The following TAFA4 variants were observed in gnomAD, a reference collection of about 807,000 sequenced individuals.
The protein encoded by TAFA4 is TAFA chemokine like family member 4.
TAFA4 carries 20 observed loss-of-function variants against 21.1 expected under a neutral mutation model. That is an observed-to-expected ratio of 0.95 (90% CI 0.67 to 1.38). TAFA4 has a LOEUF of 1.38. TAFA4 is among the 40% of genes most tolerant of loss of function. The pLI is 0.00. For missense variants in TAFA4, 211 were observed against 180.9 expected (o/e 1.17, Z -0.95); for synonymous variants, 71 against 67.4 (o/e 1.05, Z -0.26).
At chr3:68,865,347 C>G (rs981837626) in intron 3 of TAFA4, among the ~76,000 whole-genome samples, 3 of 151,934 alleles carry the variant, frequency 2.0e-5, no homozygotes, top group African/African-American at 7.3e-5. Flanking sequence ...AAATCTCATC[C>G]TGAATTGTAG....
intron 3 of TAFA4, among the ~76,000 whole-genome samples, chr3:68,845,588 T>C (rs1704769249): frequency 6.6e-6 from 1 of 152,210 alleles, no homozygotes; most frequent in Non-Finnish European, 1.5e-5. Context: ...TTTTGCCCAT[T>C]AGTTGATGCA....
intron 3 of TAFA4, among the ~76,000 whole-genome samples, chr3:68,861,669 A>AC (rs1029503205): frequency 4.0e-5 from 6 of 151,526 alleles, no homozygotes; most frequent in African/African-American, 1.5e-4. Flanking sequence ...GAGTGAGCCA[A>AC]CCCCCCCAGC....
chr3:68,905,122 C>T (rs1196786477), intron 1 of TAFA4, among the ~76,000 whole-genome samples: 1 of 150,712 alleles, frequency 6.6e-6, no homozygotes, highest in Non-Finnish European at 1.5e-5. Context: ...TGGGACAGCA[C>T]AATGACCAAG....
At chr3:68,883,874 A>T (rs1423171577) in intron 2 of TAFA4, among the ~76,000 whole-genome samples, 1 of 152,068 alleles carries the variant, frequency 6.6e-6, no homozygotes, top group African/African-American at 2.4e-5. Flanking sequence ...TCAAGGCAGG[A>T]GCGAGCTATG....
intron 1 of TAFA4, among the ~76,000 whole-genome samples, chr3:68,930,734 T>C (rs1203141332): frequency 6.6e-6 from 1 of 152,216 alleles, no homozygotes; most frequent in Non-Finnish European, 1.5e-5. Flanking sequence ...TTAAGGCCTG[T>C]ATTTCCCATC....
At position 68,789,589 on chromosome 3, in the gene TAFA4, C is replaced by T. The variant is rs111472251; in HGVS notation, c.131-36571G>A. 3.3e-5 allele frequency among the ~76,000 whole-genome samples: 5 copies of T among 152,200 alleles called. 1 individual carries two copies. Among genetic ancestry groups the T allele is most frequent in the African/African-American group, 1.2e-4 (5 of 41,530 alleles). On this transcript the variant is annotated intron_variant, in intron 3 of 5. Coordinates refer to ENST00000295569, the MANE Select transcript of TAFA4 (RefSeq NM_182522.5). ...CCTTAATAAAGCTGGGGGAGCACAT[C>T]TCTGACCCCAGCTTTATTTTTCCCC... is the stretch of plus-strand genomic sequence containing the variant.
intron 1 of TAFA4, among the ~76,000 whole-genome samples, chr3:68,910,262 A>G (rs933418625): frequency 6.6e-6 from 1 of 152,194 alleles, no homozygotes; most frequent in East Asian, 1.9e-4. Context: ...ATGTGAGAAC[A>G]CTCAGATGTG....
intron 4 of TAFA4, among the ~76,000 whole-genome samples, chr3:68,743,524 C>T (rs905231783): frequency 1.3e-5 from 2 of 149,590 alleles, no homozygotes; most frequent in Non-Finnish European, 3.0e-5. Flanking sequence ...TGCAGTGAGC[C>T]GAGATCGCGC....
chr3:68,797,343 G>C (rs1006192819), intron 3 of TAFA4, among the ~76,000 whole-genome samples: 1 of 152,138 alleles, frequency 6.6e-6, no homozygotes, highest in African/African-American at 2.4e-5. Flanking sequence ...GCCAGGTGTG[G>C]TGGCTCACAC....
intron 1 of TAFA4, among the ~76,000 whole-genome samples, chr3:68,895,446 TG>T: frequency 6.6e-6 from 1 of 152,338 alleles, no homozygotes; most frequent in East Asian, 1.9e-4. Flanking sequence ...TTTTTGGTTT[TG>T]TTTGTTGTTC....
intron 3 of TAFA4, among the ~76,000 whole-genome samples, chr3:68,779,023 G>A (rs1703102113): frequency 6.6e-6 from 1 of 152,218 alleles, no homozygotes; most frequent in South Asian, 2.1e-4. Flanking sequence ...GGACAATAAA[G>A]TCCAGGTTGA....
chr3:68,888,783 A>G (rs545002328), intron 1 of TAFA4, among the ~76,000 whole-genome samples: 4 of 152,070 alleles, frequency 2.6e-5, no homozygotes, highest in African/African-American at 9.6e-5. Flanking sequence ...ATCCACTCTC[A>G]CAATAAGGAA....
intron 1 of TAFA4, among the ~76,000 whole-genome samples, chr3:68,928,921 G>C (rs1164922183): frequency 1.3e-5 from 2 of 151,614 alleles, no homozygotes; most frequent in East Asian, 3.9e-4. Flanking sequence ...TGAAATCTGA[G>C]GTACTTTCTA....
intron 1 of TAFA4, among the ~76,000 whole-genome samples, chr3:68,889,176 C>T (rs554600592): frequency 1.3e-5 from 2 of 152,234 alleles, no homozygotes; most frequent in African/African-American, 2.4e-5. Flanking sequence ...TGGTCATTCT[C>T]GGAATGAACT....
chr3:68,835,163 C>G (rs1344775968), intron 3 of TAFA4, among the ~76,000 whole-genome samples: 1 of 152,152 alleles, frequency 6.6e-6, no homozygotes, highest in Non-Finnish European at 1.5e-5. Context: ...AGTCTTTATC[C>G]AAATAGCATC....
At chr3:68,856,865 G>C (rs891126955) in intron 3 of TAFA4, among the ~76,000 whole-genome samples, 1 of 152,062 alleles carries the variant, frequency 6.6e-6, no homozygotes, top group Non-Finnish European at 1.5e-5. Flanking sequence ...AAGAAAATGG[G>C]TACACCTGGA....
chr3:68,751,560 AT>A (rs1702556946), intron 4 of TAFA4, among the ~76,000 whole-genome samples: 1 of 152,184 alleles, frequency 6.6e-6, no homozygotes, highest in Admixed American at 6.5e-5. Flanking sequence ...TTTAAATGCC[AT>A]TTTTTAAATG....
rs115117434 is a variant in TAFA4 at position 68,872,021 on chromosome 3, C to A, written c.130+8709G>T. Among the ~76,000 whole-genome samples, 726 of 152,110 alleles carry A rather than the reference C, an allele frequency of 4.8e-3. 5 individuals carry two copies. Among genetic ancestry groups the A allele is most frequent in the East Asian group, 0.044 (226 of 5,172 alleles). ...CCTTCAAAAACTAAAACTAAAAGGA[C>A]CAAATGATCCAGCAATCCCATTGCT... is the stretch of plus-strand genomic sequence containing the variant. On this transcript the variant is annotated intron_variant, in intron 3 of 5. Coordinates refer to ENST00000295569, the MANE Select transcript of TAFA4 (RefSeq NM_182522.5).
chr3:68,924,903 T>C (rs1232697674), intron 1 of TAFA4, among the ~76,000 whole-genome samples: 1 of 152,186 alleles, frequency 6.6e-6, no homozygotes, highest in East Asian at 1.9e-4. Context: ...CTCCTTGACC[T>C]TCATGGGGAT....
Sources: allele counts gnomAD v4.1 joint callset (sites outside exome capture counted in the v4.1 genomes callset), GRCh38; gene constraint gnomAD v4.1.1; transcripts MANE v1.5; gene names NCBI Gene and HGNC (gene_info 2026-07-23, HGNC 2026-07-21).